The following NCKAP5 variants were observed in gnomAD, a reference collection of about 807,000 sequenced individuals.
The protein encoded by NCKAP5 is NCK associated protein 5.
NCKAP5 carries 92 observed loss-of-function variants against 167.0 expected under a neutral mutation model. The observed-to-expected ratio is 0.55, with a 90% CI of 0.47 to 0.66. The LOEUF is 0.66. NCKAP5 is among the 30% of genes least tolerant of loss of function. The probability of loss-of-function intolerance (pLI) is 0.00; values close to 1 mark genes in which losing one functional copy is unlikely to be tolerated. For missense variants in NCKAP5, 2,378 were observed against 2,315.0 expected (o/e 1.03, Z -0.56); for synonymous variants, 891 against 877.4 (o/e 1.02, Z -0.27).
intron 6 of NCKAP5, among the ~76,000 whole-genome samples, chr2:133,057,441 T>G (rs544644716): frequency 1.8e-4 from 28 of 152,228 alleles, no homozygotes; most frequent in African/African-American, 6.7e-4. Flanking sequence ...TTGAAGGAAA[T>G]TAGAAGTACT....
intron 6 of NCKAP5, among the ~76,000 whole-genome samples, chr2:133,071,482 T>G (rs1194644967): frequency 6.6e-6 from 1 of 152,098 alleles, no homozygotes; most frequent in African/African-American, 2.4e-5. Flanking sequence ...AAAATCACAG[T>G]GGCCCTAACA....
the NCKAP5 span, among the ~76,000 whole-genome samples, chr2:133,587,305 G>T: frequency 6.6e-6 from 1 of 152,118 alleles, no homozygotes; most frequent in Non-Finnish European, 1.5e-5. Context: ...CTCTCAGAGG[G>T]TTGTTGTGAA....
chr2:132,820,541 T>G (rs898033249), intron 11 of NCKAP5, among the ~76,000 whole-genome samples: 3 of 151,906 alleles, frequency 2.0e-5, no homozygotes, highest in Non-Finnish European at 2.9e-5. Context: ...GTTTTTTTTG[T>G]TTTTTGTTTT....
At chr2:133,427,488 T>C (rs1689887425) in intron 3 of NCKAP5, among the ~76,000 whole-genome samples, 1 of 152,200 alleles carries the variant, frequency 6.6e-6, no homozygotes, top group Non-Finnish European at 1.5e-5. Flanking sequence ...TAATTTAATT[T>C]GTCCCAGAAA....
At chr2:133,044,335 A>G (rs1260467205) in intron 6 of NCKAP5, among the ~76,000 whole-genome samples, 1 of 152,192 alleles carries the variant, frequency 6.6e-6, no homozygotes, top group Non-Finnish European at 1.5e-5. Context: ...AGATAGTTGC[A>G]ATGCATATAA....
chr2:133,294,090 G>A (rs1279666428), intron 4 of NCKAP5, among the ~76,000 whole-genome samples: 1 of 152,186 alleles, frequency 6.6e-6, no homozygotes, highest in East Asian at 1.9e-4. Flanking sequence ...ACAGAGCACT[G>A]AGCTCTCTCT....
chr2:133,647,728 G>GGAAGGAAA, the NCKAP5 span, among the ~76,000 whole-genome samples: 1 of 135,240 alleles, frequency 7.4e-6, no homozygotes, highest in Non-Finnish European at 1.6e-5. Context: ...AAGGAAGGAA[G>GGAAGGAAA]GAAGGAAGGA....
intron 5 of NCKAP5, among the ~76,000 whole-genome samples, chr2:133,205,762 T>C (rs2085921598): frequency 6.6e-6 from 1 of 152,064 alleles, no homozygotes; most frequent in African/African-American, 2.4e-5. Context: ...ATGCCATATA[T>C]ATATATCTCT....
At chr2:133,141,493 A>G (rs1455022495) in intron 5 of NCKAP5, among the ~76,000 whole-genome samples, 2 of 151,986 alleles carry the variant, frequency 1.3e-5, no homozygotes, top group Admixed American at 6.6e-5. Flanking sequence ...CCTTCAGTGA[A>G]TGGGTATAAT....
intron 4 of NCKAP5, among the ~76,000 whole-genome samples, chr2:133,248,190 T>C (rs2088102158): frequency 6.6e-6 from 1 of 152,178 alleles, no homozygotes; most frequent in South Asian, 2.1e-4. Context: ...TGGGAGAAGG[T>C]GGTGGAATCA....
At chr2:133,615,204 T>C in the NCKAP5 span, among the ~76,000 whole-genome samples, 1 of 152,044 alleles carries the variant, frequency 6.6e-6, no homozygotes, top group Non-Finnish European at 1.5e-5. Flanking sequence ...CATGCCAAAA[T>C]GTAAAGACCA....
chr2:133,617,723 A>G, the NCKAP5 span, among the ~76,000 whole-genome samples: 1 of 151,862 alleles, frequency 6.6e-6, no homozygotes, highest in African/African-American at 2.4e-5. Flanking sequence ...AAATGGCCAT[A>G]CTGCCCAAGG....
intron 8 of NCKAP5, among the ~76,000 whole-genome samples, chr2:132,887,789 G>C (rs1286306661): frequency 6.6e-6 from 1 of 152,122 alleles, no homozygotes; most frequent in Non-Finnish European, 1.5e-5. Flanking sequence ...TGAGACTGCA[G>C]GCATGTGCCA....
At chr2:133,307,284 T>C (rs1399935303) in intron 3 of NCKAP5, among the ~76,000 whole-genome samples, 2 of 152,172 alleles carry the variant, frequency 1.3e-5, no homozygotes, top group East Asian at 1.9e-4. Flanking sequence ...GCAGATGTGA[T>C]TGATAAAAAG....
chr2:133,555,432 C>T (rs544917770), intron 2 of NCKAP5, among the ~76,000 whole-genome samples: 2 of 152,312 alleles, frequency 1.3e-5, no homozygotes, highest in South Asian at 2.1e-4. Context: ...ATATACAAGG[C>T]TTATAGATCA....
At chr2:133,336,959 G>A (rs139713315) in intron 3 of NCKAP5, among the ~76,000 whole-genome samples, 94 of 152,300 alleles carry the variant, frequency 6.2e-4, no homozygotes, top group African/African-American at 2.2e-3. Context: ...GATCCTAGGT[G>A]TCTCTTAGAG....
At chr2:133,132,290 A>G (rs1357467007) in intron 5 of NCKAP5, among the ~76,000 whole-genome samples, 1 of 151,688 alleles carries the variant, frequency 6.6e-6, no homozygotes. Flanking sequence ...CCATCTCAAA[A>G]AAAAAAAAAA....
Position 132,784,297 on chromosome 2 carries a change from G to A in NCKAP5, c.2514C>T (p.Ala838=), listed in dbSNP as rs1329877926. ...ATCGTGAGAGTTTCCCAGGAGCTAA[G>A]GCTGGTGATTTTTCAAGAGTCACCA... ...SGLVTLEKSP[A]LAPGKLSRFM... Residue 838 remains alanine (A), a synonymous_variant, in exon 14 of 20, where the codon GCC becomes GCT. Coordinates refer to ENST00000409261, the MANE Select transcript of NCKAP5 (RefSeq NM_207363.3). 5 of 1,613,902 alleles carry A rather than the reference G, an allele frequency of 3.1e-6. No individual in the cohort carries two copies. The highest frequency in any genetic ancestry group is 4.2e-6 in the Non-Finnish European group (5 of 1,179,866).
At position 133,543,024 on chromosome 2, in the gene NCKAP5, G is replaced by A. The variant is rs572224126; in HGVS notation, c.-62+16026C>T. 3.9e-5 allele frequency among the ~76,000 whole-genome samples: 6 copies of A among 152,198 alleles called. No homozygotes were observed. In the East Asian group the frequency reaches 1.2e-3, roughly 29 times the overall value. On this transcript the variant is annotated intron_variant, in intron 2 of 19. Coordinates refer to ENST00000409261, the MANE Select transcript of NCKAP5 (RefSeq NM_207363.3). ...AAGTATGATATGGTTTAAATGTTTT[G>A]TCCCCTCCAAATCTCATGTTGAAAT... is the stretch of plus-strand genomic sequence containing the variant.
Sources: gnomAD v4.1 joint callset for allele counts (sites outside exome capture counted in the v4.1 genomes callset) on GRCh38, gnomAD v4.1.1 for gene constraint, MANE v1.5 for transcripts, NCBI Gene and HGNC (gene_info 2026-07-23, HGNC 2026-07-21) for gene names.